Variants in MTUS1 observed in about 807,000 individuals in gnomAD.
The protein encoded by MTUS1 is microtubule-associated tumor suppressor 1.
Under a neutral mutation model 120.8 loss-of-function variants are expected in MTUS1, and 109 were observed. The observed-to-expected ratio is 0.90, with a 90% CI of 0.77 to 1.06. The LOEUF is 1.06. MTUS1 is among the 50% of genes least tolerant of loss of function. The probability of loss-of-function intolerance (pLI) is 0.00; values close to 1 mark genes in which losing one functional copy is unlikely to be tolerated. For synonymous variants in MTUS1, 737 were observed against 550.5 expected (o/e 1.34, Z -4.74); for missense variants, 2,210 against 1,486.3 (o/e 1.49, Z -8.01).
intron 1 of MTUS1, 84 bp from the exon 2 acceptor site, chr8:17,756,045 T>G (rs576539395): frequency 1.4e-6 from 1 of 706,370 alleles, no homozygotes; most frequent in Admixed American, 3.8e-5. Context: ...AAGTGATTAG[T>G]TTCAATCACT....
intron 13 of MTUS1, 49 bp from the exon 14 acceptor site, chr8:17,647,128 C>T (rs192439410): frequency 1.2e-5 from 17 of 1,379,168 alleles, no homozygotes; most frequent in Non-Finnish European, 1.7e-5. Flanking sequence ...AAAAAAAAAA[C>T]CCCTCATTTC....
intron 2 of MTUS1, among the ~76,000 whole-genome samples, chr8:17,751,958 G>T: frequency 6.7e-6 from 1 of 149,150 alleles, no homozygotes; most frequent in East Asian, 2.0e-4. Flanking sequence ...AATCTTTCAA[G>T]ACTTACAAAG....
chr8:17,657,792 C>G (rs1808724395), intron 8 of MTUS1, among the ~76,000 whole-genome samples: 1 of 117,508 alleles, frequency 8.5e-6, no homozygotes, highest in African/African-American at 3.1e-5. Context: ...AGAGCAAGAC[C>G]CTATCTCAAA....
At chr8:17,695,502 G>C in intron 6 of MTUS1, among the ~76,000 whole-genome samples, 1 of 152,224 alleles carries the variant, frequency 6.6e-6, no homozygotes, top group East Asian at 1.9e-4. Context: ...ATAGTTTTAC[G>C]TAAGTTTAGA....
chr8:17,798,847 C>G (rs1237176853), intron 1 of MTUS1, among the ~76,000 whole-genome samples: 1 of 152,076 alleles, frequency 6.6e-6, no homozygotes, highest in Non-Finnish European at 1.5e-5. Flanking sequence ...CCATAAAAGG[C>G]TCTTATGAAT....
chr8:17,777,096 A>G (rs1048464984), intron 1 of MTUS1, among the ~76,000 whole-genome samples: 1 of 152,122 alleles, frequency 6.6e-6, no homozygotes, highest in African/African-American at 2.4e-5. Context: ...GCAGACACTT[A>G]AGTCTAACAG....
chr8:17,697,302 G>T, intron 6 of MTUS1: 2 of 1,614,098 alleles, frequency 1.2e-6, no homozygotes, highest in South Asian at 2.2e-5. Flanking sequence ...GAAGGAAGTC[G>T]AAGGTTTCGA....
chr8:17,686,460 G>A (rs1259395682), intron 6 of MTUS1, among the ~76,000 whole-genome samples: 1 of 151,962 alleles, frequency 6.6e-6, no homozygotes, highest in South Asian at 2.1e-4. Context: ...TCACTATCTA[G>A]AATTTACTGT....
chr8:17,649,781 C>T (rs1806585273), intron 13 of MTUS1, 65 bp downstream of exon 13: 2 of 859,594 alleles, frequency 2.3e-6, no homozygotes, highest in Non-Finnish European at 2.0e-6. Context: ...TTCTAAAATG[C>T]AGGGCTCAAT....
intron 6 of MTUS1, among the ~76,000 whole-genome samples, chr8:17,700,371 G>A (rs1818807804): frequency 6.8e-6 from 1 of 148,096 alleles, no homozygotes; most frequent in Non-Finnish European, 1.5e-5. Context: ...TCAGGAAGCT[G>A]AGGCAGGAGA....
At chr8:17,708,254 C>A (rs1288486126) in intron 6 of MTUS1, among the ~76,000 whole-genome samples, 1 of 152,146 alleles carries the variant, frequency 6.6e-6, no homozygotes, top group East Asian at 1.9e-4. Flanking sequence ...TCCTACAATT[C>A]AACAATAAAA....
chr8:17,755,933 G>A lies in MTUS1; in HGVS notation c.-126C>T, dbSNP rs907846154. On this transcript the variant is annotated 5_prime_UTR_variant, in exon 2 of 15. Transcript: ENST00000693296. ...AGTTGAAAGGTTTTCAGTCTAAGAT[G>A]CTCTGAAGATTAAATGATTTGTTGT... is the stretch of plus-strand genomic sequence containing the variant. The A allele has an allele frequency of 8.3e-6, 12 of 1,439,572 alleles. No homozygotes were observed. Among genetic ancestry groups the A allele is most frequent in the Non-Finnish European group, 8.2e-6 (9 of 1,102,298 alleles). 89.2% of individuals were successfully genotyped at this position (1,439,572 alleles called of 1,614,324 possible). A position where few individuals can be genotyped will look rare whatever the true frequency, so the allele number is the denominator to read the frequency against.
At chr8:17,685,222 T>TC (rs2130780412) in intron 6 of MTUS1, among the ~76,000 whole-genome samples, 1 of 152,314 alleles carries the variant, frequency 6.6e-6, no homozygotes, top group Admixed American at 6.5e-5. Context: ...ACACAGTTTT[T>TC]TTTTAAAGCA....
intron 6 of MTUS1, among the ~76,000 whole-genome samples, chr8:17,689,291 C>A (rs1190017061): frequency 6.6e-6 from 1 of 152,072 alleles, no homozygotes; most frequent in Non-Finnish European, 1.5e-5. Context: ...ATTTAGGATG[C>A]CTCACCATTT....
intron 1 of MTUS1, among the ~76,000 whole-genome samples, chr8:17,787,886 C>G (rs111241026): frequency 6.6e-6 from 1 of 152,186 alleles, no homozygotes; most frequent in Non-Finnish European, 1.5e-5. Flanking sequence ...TTCGGGAGGC[C>G]GAGGCAGGCG....
intron 1 of MTUS1, among the ~76,000 whole-genome samples, chr8:17,771,698 T>C (rs1394368983): frequency 6.6e-6 from 1 of 152,220 alleles, no homozygotes. Context: ...ATAGATTCTC[T>C]TGAAATTAAA....
intron 1 of MTUS1, among the ~76,000 whole-genome samples, chr8:17,791,167 A>G (rs2131583273): frequency 6.6e-6 from 1 of 152,336 alleles, no homozygotes; most frequent in East Asian, 1.9e-4. Context: ...CAAAACATTT[A>G]TCCAAATAGT....
At chr8:17,773,524 G>T (rs1218556627) in intron 1 of MTUS1, among the ~76,000 whole-genome samples, 1 of 152,116 alleles carries the variant, frequency 6.6e-6, no homozygotes, top group Non-Finnish European at 1.5e-5. Context: ...TTAGCTCAGG[G>T]TTCTGCAGGC....
chr8:17,689,936 C>G, intron 6 of MTUS1, among the ~76,000 whole-genome samples: 1 of 150,878 alleles, frequency 6.6e-6, no homozygotes, highest in Non-Finnish European at 1.5e-5. Flanking sequence ...GGGGAGGGAA[C>G]TAGAAAAAAC....
Sources: gnomAD v4.1 joint callset for allele counts (sites outside exome capture counted in the v4.1 genomes callset) on GRCh38, gnomAD v4.1.1 for gene constraint, MANE v1.5 for transcripts, NCBI Gene and HGNC (gene_info 2026-07-23, HGNC 2026-07-21) for gene names.